Variants in VCL observed in about 807,000 individuals in gnomAD.
VCL encodes epididymis luminal protein 114.
Under a neutral mutation model 125.7 loss-of-function variants are expected in VCL, and 47 were observed. That is an observed-to-expected ratio of 0.37 (90% CI 0.30 to 0.48). The LOEUF is 0.48. VCL is among the 20% of genes least tolerant of loss of function. VCL has a pLI of 0.99. For synonymous variants in VCL, 458 were observed against 514.6 expected, an observed-to-expected ratio of 0.89 and a Z score of 1.49; for missense variants, 1,069 against 1,455.5, an observed-to-expected ratio of 0.73 and a Z score of 4.32.
chr10:74,108,975 C>T lies in VCL; in HGVS notation c.2564C>T (p.Thr855Ile). The T allele has an allele frequency of 1.2e-6, 2 of 1,614,058 alleles. No homozygotes were observed. Among genetic ancestry groups the T allele is most frequent in the Non-Finnish European group, 1.7e-6 (2 of 1,179,968 alleles). ...PPPDLEQLRL[T>I]DELAPPKPPL... The stretch of plus-strand genomic sequence containing the variant: ...AACTTGTTTTCTCTTTTTTAGCTAA[C>T]AGATGAGCTTGCTCCTCCCAAACCA... The change falls in exon 18 of 22, where the codon ACA becomes ATA. Residue 855 changes from threonine (T) to isoleucine (I), a missense_variant. Physicochemically the swap from Thr to Ile is moderately conservative, Grantham distance 89. Around this residue, in one of 6 missense-constraint regions of VCL, gnomAD observed 760 missense variants for 928.9 expected, o/e 0.82. Coordinates refer to ENST00000211998, the MANE Select transcript of VCL (RefSeq NM_014000.3).
chr10:74,116,939 G>A (rs367864753), intron 21 of VCL, among the ~76,000 whole-genome samples: 21 of 152,196 alleles, frequency 1.4e-4, no homozygotes, highest in African/African-American at 3.6e-4. Context: ...AGAATTCACC[G>A]CCTTCATTAA....
At chr10:74,109,226 C>G in intron 18 of VCL, 70 bp downstream of exon 18, 1 of 1,588,232 alleles carries the variant, frequency 6.3e-7, no homozygotes. Context: ...ATGAAAGACC[C>G]AGAAAGAAGA....
chr10:74,037,401 C>T (rs1034786272), intron 1 of VCL, among the ~76,000 whole-genome samples: 3 of 152,194 alleles, frequency 2.0e-5, no homozygotes, highest in South Asian at 4.1e-4. Flanking sequence ...ATAGGACATA[C>T]CTTTCTGCTT....
intron 6 of VCL, among the ~76,000 whole-genome samples, chr10:74,078,828 G>A (rs1839633905): frequency 2.0e-5 from 3 of 152,114 alleles, no homozygotes; most frequent in Admixed American, 2.0e-4. Context: ...AGAAACATCT[G>A]GTTTAAAACA....
At chr10:74,081,503 G>C (rs559368538) in intron 6 of VCL, among the ~76,000 whole-genome samples, 2 of 152,298 alleles carry the variant, frequency 1.3e-5, no homozygotes, top group African/African-American at 4.8e-5. Flanking sequence ...TTAACTTTGT[G>C]CTTTGATGGC....
intron 2 of VCL, among the ~76,000 whole-genome samples, chr10:74,061,776 T>C (rs1841483156): frequency 6.6e-6 from 1 of 152,200 alleles, no homozygotes; most frequent in Non-Finnish European, 1.5e-5. Flanking sequence ...CACTATTTTT[T>C]CCCCTGCAAT....
intron 18 of VCL, among the ~76,000 whole-genome samples, chr10:74,110,376 T>C (rs1215464544): frequency 6.6e-6 from 1 of 152,198 alleles, no homozygotes. Context: ...ACTCTGCCAT[T>C]TGTGGCCAGA....
chr10:74,076,413 T>A (rs914543190), intron 6 of VCL: 23 of 152,784 alleles, frequency 1.5e-4, no homozygotes, highest in African/African-American at 5.3e-4. Context: ...TTTGGCCTGG[T>A]CTTTCCCATT....
At chr10:74,098,876 TAC>T (rs1840009645) in intron 13 of VCL, among the ~76,000 whole-genome samples, 4 of 152,338 alleles carry the variant, frequency 2.6e-5, no homozygotes, top group African/African-American at 7.2e-5. Flanking sequence ...CCTCTCCACC[TAC>T]AGTCTTCCTA....
At chr10:74,022,034 A>C (rs1230014542) in intron 1 of VCL, among the ~76,000 whole-genome samples, 1 of 152,124 alleles carries the variant, frequency 6.6e-6, no homozygotes, top group Non-Finnish European at 1.5e-5. Context: ...CCTTGTCCCC[A>C]GTCTTCCAGA....
At chr10:74,045,796 G>C (rs1841189026) in intron 2 of VCL, among the ~76,000 whole-genome samples, 2 of 151,980 alleles carry the variant, frequency 1.3e-5, no homozygotes, top group South Asian at 2.1e-4. Flanking sequence ...GGTACACAGG[G>C]GCATCTAAAA....
chr10:74,017,246 A>G (rs1418418647), intron 1 of VCL, among the ~76,000 whole-genome samples: 1 of 150,510 alleles, frequency 6.6e-6, no homozygotes, highest in African/African-American at 2.5e-5. Context: ...ACGGGGTTTC[A>G]CCGTTTTAGC....
intron 1 of VCL, among the ~76,000 whole-genome samples, chr10:74,009,070 G>T (rs531093998): frequency 1.3e-5 from 2 of 152,224 alleles, no homozygotes; most frequent in African/African-American, 4.8e-5. Flanking sequence ...ATATATTGGA[G>T]GAAGGACGTC....
intron 8 of VCL, among the ~76,000 whole-genome samples, chr10:74,083,964 T>G (rs572444443): frequency 6.6e-6 from 1 of 152,154 alleles, no homozygotes; most frequent in Non-Finnish European, 1.5e-5. Context: ...AGCTCCGTGG[T>G]TCAAGCAGTT....
chr10:74,021,621 T>C (rs1840668629), intron 1 of VCL, among the ~76,000 whole-genome samples: 1 of 152,190 alleles, frequency 6.6e-6, no homozygotes, highest in East Asian at 1.9e-4. Flanking sequence ...TCAACTGACA[T>C]ATACCAGAAG....
At chr10:74,068,138 T>C (rs1035739148) in intron 2 of VCL, among the ~76,000 whole-genome samples, 7 of 152,228 alleles carry the variant, frequency 4.6e-5, no homozygotes, top group South Asian at 2.1e-4. Context: ...TTAAAAATTA[T>C]ACATATGCAT....
chr10:74,031,787 C>T (rs554128833), intron 1 of VCL, among the ~76,000 whole-genome samples: 19 of 151,712 alleles, frequency 1.3e-4, no homozygotes, highest in African/African-American at 2.4e-4. Flanking sequence ...GAGTGTGGCC[C>T]GGCACGGTGG....
intron 1 of VCL, among the ~76,000 whole-genome samples, chr10:74,006,690 T>G (rs1169036985): frequency 6.6e-6 from 1 of 152,194 alleles, no homozygotes. Context: ...GTCAAAACTT[T>G]GTTTCATGCA....
In VCL at chr10:74,015,691, C is replaced by CT. The variant is rs575847807; in HGVS notation, c.168+17327dup. ...TCTTTTCCTTTTTTTCTTTCTTTTT[C>CT]TTTTTTTTTTTGAGAGGAAGTCTCA... On this transcript the variant is annotated intron_variant, in intron 1 of 21. Transcript: ENST00000211998. Among the ~76,000 whole-genome samples, 139 of 144,056 alleles carry CT rather than the reference C, an allele frequency of 9.6e-4. No homozygotes were observed. In the Middle Eastern group the frequency reaches 0.011, roughly 11 times the overall value. The allele number at this position is 144,056 out of a possible 152,430, so 94.5% of individuals were successfully genotyped here. A position where few individuals can be genotyped will look rare whatever the true frequency, so the allele number is the denominator to read the frequency against.
Sources: gnomAD v4.1 joint callset for allele counts (sites outside exome capture counted in the v4.1 genomes callset) on GRCh38, gnomAD v4.1.1 for gene constraint, gnomAD v4.1.1 regional missense constraint, MANE v1.5 for transcripts, NCBI Gene and HGNC (gene_info 2026-07-23, HGNC 2026-07-21) for gene names.